DOK6: variants seen among roughly 807,000 people sequenced by gnomAD.
DOK6 encodes the protein downstream of tyrosine kinase 6.
A neutral mutation model predicts 44.0 loss-of-function variants in DOK6; 22 were observed. The observed-to-expected ratio is 0.50, with a 90% CI of 0.36 to 0.71. The LOEUF is 0.71. Ranked by LOEUF, DOK6 falls within the 30% of genes least tolerant of loss-of-function variation. The pLI is 0.00. For synonymous variants in DOK6, 166 were observed against 145.5 expected (o/e 1.14, Z -1.01); for missense variants, 340 against 416.4 (o/e 0.82, Z 1.60).
At chr18:69,573,649 G>A (rs535593346) in intron 2 of DOK6, among the ~76,000 whole-genome samples, 1 of 151,746 alleles carries the variant, frequency 6.6e-6, no homozygotes, top group South Asian at 2.1e-4. Flanking sequence ...TTTTTTTTAA[G>A]AGTGTATGCA....
chr18:69,633,441 TC>T (rs1165988811), intron 3 of DOK6, among the ~76,000 whole-genome samples: 1 of 152,222 alleles, frequency 6.6e-6, no homozygotes, highest in African/African-American at 2.4e-5. Context: ...GCTGGTTTTA[TC>T]CTGCAGAACA....
intron 1 of DOK6, among the ~76,000 whole-genome samples, chr18:69,463,700 T>G (rs1979849165): frequency 6.6e-6 from 1 of 151,892 alleles, no homozygotes; most frequent in South Asian, 2.1e-4. Context: ...TCTATGTGTG[T>G]GTGTCTATGT....
intron 6 of DOK6, among the ~76,000 whole-genome samples, chr18:69,742,731 G>C (rs190492811): frequency 6.6e-6 from 1 of 152,086 alleles, no homozygotes; most frequent in South Asian, 2.1e-4. Context: ...GAATTGTGTG[G>C]GATCAAATAA....
rs553211649 is a variant in DOK6, at chr18:69,495,362, C to A, written c.67-69125C>A. ...CCTGCCGTTCCACATTTCTCGAGTT[C>A]TTTTCCTGCATCCAGGAAGAATGAG... On this transcript the variant is annotated intron_variant, in intron 1 of 7. Coordinates refer to ENST00000382713, the MANE Select transcript of DOK6 (RefSeq NM_152721.6). 5.0e-4 allele frequency among the ~76,000 whole-genome samples: 76 copies of A among 152,328 alleles called. 1 individual carries two copies. Among genetic ancestry groups the A allele is most frequent in the Non-Finnish European group, 8.1e-4 (55 of 68,024 alleles).
intron 4 of DOK6, 53 bp from the exon 5 acceptor site, chr18:69,698,346 GCCATA>G: frequency 6.8e-7 from 1 of 1,474,156 alleles, no homozygotes; most frequent in Non-Finnish European, 9.2e-7. Flanking sequence ...ATATCGTATG[GCCATA>G]GACACTCACA....
At chr18:69,512,021 C>A (rs576116920) in intron 1 of DOK6, among the ~76,000 whole-genome samples, 1 of 152,124 alleles carries the variant, frequency 6.6e-6, no homozygotes, top group Admixed American at 6.5e-5. Context: ...CCCTGACGAT[C>A]ACAATAATGG....
intron 2 of DOK6, among the ~76,000 whole-genome samples, chr18:69,586,929 A>G (rs1431806494): frequency 2.6e-5 from 4 of 152,176 alleles, no homozygotes; most frequent in Non-Finnish European, 5.9e-5. Flanking sequence ...TAATAAATAA[A>G]GAATAAAAAA....
chr18:69,564,487 A>T lies in DOK6; in HGVS notation c.67A>T (p.Ile23Phe). 6.2e-7 allele frequency: 1 copy of T among 1,613,476 alleles called. No individual in the cohort carries two copies. The highest frequency in any genetic ancestry group is 8.5e-7 in the Non-Finnish European group (1 of 1,179,732). Residue 23 changes from isoleucine to phenylalanine, a missense_variant and splice_region_variant, in exon 2 of 8, where the codon ATT becomes TTT. Physicochemically the swap from Ile to Phe is conservative, Grantham distance 21. Transcript: ENST00000382713. ...YVKIRSRKLG[I>F]FRRCWLVFKK... ...ATGGGATTCCTTTATTTGCTTTCAGATTTTCAGACGATGCTGGTTGGTTTT... is the reference window on the plus strand; with the variant it reads ...ATGGGATTCCTTTATTTGCTTTCAGTTTTTCAGACGATGCTGGTTGGTTTT...
chr18:69,586,895 G>A (rs1303230358), intron 2 of DOK6, among the ~76,000 whole-genome samples: 1 of 152,012 alleles, frequency 6.6e-6, no homozygotes, highest in African/African-American at 2.4e-5. Context: ...GAGCTGTGTG[G>A]ACTTCCTAGC....
intron 5 of DOK6, among the ~76,000 whole-genome samples, chr18:69,709,252 G>A (rs1168410352): frequency 6.6e-6 from 1 of 152,108 alleles, no homozygotes; most frequent in Non-Finnish European, 1.5e-5. Context: ...GAAATCTAAT[G>A]AGTGCTAGGA....
At chr18:69,799,870 C>T (rs1205660192) in intron 7 of DOK6, among the ~76,000 whole-genome samples, 1 of 152,050 alleles carries the variant, frequency 6.6e-6, no homozygotes, top group Non-Finnish European at 1.5e-5. Flanking sequence ...AACCTCTAAA[C>T]TTAACCGCAC....
Position 69,759,986 on chromosome 18 carries a change from G to A in DOK6, c.856+2113G>A, listed in dbSNP as rs537164741. Among the ~76,000 whole-genome samples, 23 of 152,188 alleles carry A rather than the reference G, an allele frequency of 1.5e-4. 1 individual carries two copies. The South Asian group carries it at 2.7e-3, about 18-fold the overall frequency. On this transcript the variant is annotated intron_variant, in intron 7 of 7. Transcript: ENST00000382713. ...TACTGTGTGCTTCTTAGAGCAATAC[G>A]TTTTACCACCCTGTATACCCCTCAG... is the stretch of plus-strand genomic sequence containing the variant.
At chr18:69,696,671 G>A (rs375104168) in intron 4 of DOK6, among the ~76,000 whole-genome samples, 5 of 152,214 alleles carry the variant, frequency 3.3e-5, no homozygotes, top group African/African-American at 1.2e-4. Flanking sequence ...ATTGATGTTC[G>A]GGCCTTGTGT....
chr18:69,725,281 T>G (rs1909236818), intron 5 of DOK6, among the ~76,000 whole-genome samples: 2 of 152,096 alleles, frequency 1.3e-5, no homozygotes, highest in South Asian at 4.1e-4. Flanking sequence ...CAGAGCGCCT[T>G]GCATGCAACG....
At chr18:69,721,853 A>C (rs891085114) in intron 5 of DOK6, among the ~76,000 whole-genome samples, 3 of 152,250 alleles carry the variant, frequency 2.0e-5, no homozygotes, top group Non-Finnish European at 4.4e-5. Context: ...CTGTCTTTTT[A>C]AATAGAATGA....
At position 69,612,230 on chromosome 18, in the gene DOK6, G is replaced by A. The variant is rs868427597; in HGVS notation, c.289+12732G>A. On this transcript the variant is annotated intron_variant, in intron 3 of 7. Transcript: ENST00000382713. Reference sequence around the variant, plus strand: ...GTATATTTAAGTTAAAAAAAACCAGGGTGGGAAGACAGTTGCGGAAAAAAT... The same window carrying A: ...GTATATTTAAGTTAAAAAAAACCAGAGTGGGAAGACAGTTGCGGAAAAAAT... Among the ~76,000 whole-genome samples the A allele has an allele frequency of 9.1e-5, 12 of 132,544 alleles. No individual in the cohort carries two copies. In the South Asian group the frequency reaches 1.2e-3, roughly 13 times the overall value. 87.0% of individuals were successfully genotyped at this position (132,544 alleles called of 152,430 possible).
At chr18:69,808,386 A>G (rs1479130153) in intron 7 of DOK6, among the ~76,000 whole-genome samples, 7 of 151,850 alleles carry the variant, frequency 4.6e-5, no homozygotes, top group African/African-American at 1.7e-4. Context: ...TACAAAAAGA[A>G]CAACAAAATA....
chr18:69,438,367 A>G (rs2122437561), intron 1 of DOK6, among the ~76,000 whole-genome samples: 1 of 152,304 alleles, frequency 6.6e-6, no homozygotes, highest in Non-Finnish European at 1.5e-5. Flanking sequence ...GAAACTTCTT[A>G]TTTGTTATTT....
chr18:69,498,134 C>A (rs1980945323), intron 1 of DOK6, among the ~76,000 whole-genome samples: 1 of 152,000 alleles, frequency 6.6e-6, no homozygotes, highest in African/African-American at 2.4e-5. Context: ...TTACTATGTG[C>A]ATAGGAGATC....
Sources: allele counts gnomAD v4.1 joint callset (sites outside exome capture counted in the v4.1 genomes callset), GRCh38; gene constraint gnomAD v4.1.1; transcripts MANE v1.5; gene names NCBI Gene and HGNC (gene_info 2026-07-23, HGNC 2026-07-21).